CADPS: variants seen among roughly 807,000 people sequenced by gnomAD.
CADPS encodes calcium-dependent secretion activator 1.
Under a neutral mutation model 167.3 loss-of-function variants are expected in CADPS, and 57 were observed. The ratio of observed to expected loss-of-function variants is 0.34; its 90% CI spans 0.28 to 0.42. The LOEUF (loss-of-function observed/expected upper bound fraction) is 0.42, where lower values mean the gene tolerates loss of function less well. CADPS is among the 20% of genes least tolerant of loss of function. The pLI, the probability that CADPS is intolerant of heterozygous loss-of-function variation, is 1.00. For missense variants in CADPS, 1,414 were observed against 1,738.1 expected (o/e 0.81, Z 3.32); for synonymous variants, 676 against 635.3 (o/e 1.06, Z -0.96).
intron 6 of CADPS, among the ~76,000 whole-genome samples, chr3:62,610,063 T>C (rs935575767): frequency 6.6e-6 from 1 of 151,914 alleles, no homozygotes; most frequent in Non-Finnish European, 1.5e-5. Context: ...CATTTCAGCC[T>C]GGGTGACAGA....
intron 13 of CADPS, among the ~76,000 whole-genome samples, chr3:62,520,670 C>T (rs1390673606): frequency 2.0e-5 from 3 of 152,082 alleles, no homozygotes; most frequent in Non-Finnish European, 2.9e-5. Flanking sequence ...AATTTGATGT[C>T]GAATGATTTT....
intron 6 of CADPS, among the ~76,000 whole-genome samples, chr3:62,640,909 CT>C (rs1281291776): frequency 6.6e-6 from 1 of 151,982 alleles, no homozygotes; most frequent in African/African-American, 2.4e-5. Flanking sequence ...ATATTTTCTA[CT>C]CAGGGAATAT....
chr3:62,865,635 G>T (rs2081550196), intron 1 of CADPS, among the ~76,000 whole-genome samples: 1 of 151,668 alleles, frequency 6.6e-6, no homozygotes, highest in African/African-American at 2.4e-5. Flanking sequence ...AAAATAAAAG[G>T]AATAACACAG....
chr3:62,464,163 T>C (rs973716475), intron 26 of CADPS, among the ~76,000 whole-genome samples: 4 of 152,202 alleles, frequency 2.6e-5, no homozygotes, highest in Non-Finnish European at 5.9e-5. Flanking sequence ...TTAGGGAACA[T>C]ATTATCTGCC....
intron 6 of CADPS, among the ~76,000 whole-genome samples, chr3:62,593,834 A>G (rs2086627817): frequency 6.6e-6 from 1 of 152,212 alleles, no homozygotes; most frequent in Non-Finnish European, 1.5e-5. Flanking sequence ...CTTAGCAATC[A>G]CTGGATTTAA....
At chr3:62,634,775 T>C (rs887489853) in intron 6 of CADPS, among the ~76,000 whole-genome samples, 4 of 152,210 alleles carry the variant, frequency 2.6e-5, no homozygotes, top group African/African-American at 7.2e-5. Flanking sequence ...GCCTTGTCTA[T>C]TGTTTGTGCC....
At chr3:62,597,261 A>G (rs899126012) in intron 6 of CADPS, among the ~76,000 whole-genome samples, 3 of 152,194 alleles carry the variant, frequency 2.0e-5, no homozygotes, top group African/African-American at 7.2e-5. Context: ...CCTAAAGATC[A>G]CTTTGAGCCC....
chr3:62,581,061 G>C (rs775532130), intron 8 of CADPS, among the ~76,000 whole-genome samples: 4 of 152,178 alleles, frequency 2.6e-5, no homozygotes, highest in Non-Finnish European at 4.4e-5. Context: ...GAGCTAGAGA[G>C]ATAAGCACTG....
intron 26 of CADPS, among the ~76,000 whole-genome samples, chr3:62,461,715 A>T (rs2059370078): frequency 6.6e-6 from 1 of 152,142 alleles, no homozygotes. Context: ...CTCTGCAGAG[A>T]GACCTTGCCT....
chr3:62,842,980 G>A (rs2076860905), intron 1 of CADPS, among the ~76,000 whole-genome samples: 1 of 152,048 alleles, frequency 6.6e-6, no homozygotes, highest in Non-Finnish European at 1.5e-5. Flanking sequence ...TGGAAAGCAT[G>A]GTATTTTGTA....
intron 11 of CADPS, among the ~76,000 whole-genome samples, chr3:62,541,403 G>A (rs373268730): frequency 6.6e-6 from 1 of 152,136 alleles, no homozygotes; most frequent in Admixed American, 6.5e-5. Flanking sequence ...TTATGACATG[G>A]GCATAGGAGA....
chr3:62,811,230 C>T (rs2094378870), intron 1 of CADPS, among the ~76,000 whole-genome samples: 1 of 152,144 alleles, frequency 6.6e-6, no homozygotes, highest in African/African-American at 2.4e-5. Flanking sequence ...AACATTTTTA[C>T]TTAATTGCTC....
intron 3 of CADPS, among the ~76,000 whole-genome samples, chr3:62,742,157 T>G (rs1394077277): frequency 6.6e-6 from 1 of 152,132 alleles, no homozygotes; most frequent in Non-Finnish European, 1.5e-5. Flanking sequence ...CATCCAATGC[T>G]CATGGATAGA....
chr3:62,612,823 T>C (rs2061684274), intron 6 of CADPS, among the ~76,000 whole-genome samples: 1 of 152,158 alleles, frequency 6.6e-6, no homozygotes, highest in African/African-American at 2.4e-5. Context: ...TTGATGTTCA[T>C]CCATTCATCC....
intron 1 of CADPS, among the ~76,000 whole-genome samples, chr3:62,778,213 T>C (rs909831382): frequency 6.6e-6 from 1 of 152,208 alleles, no homozygotes; most frequent in Non-Finnish European, 1.5e-5. Context: ...GGTAAACACA[T>C]GGGGATACTC....
intron 10 of CADPS, among the ~76,000 whole-genome samples, chr3:62,557,010 C>G (rs149021994): frequency 3.6e-4 from 53 of 147,032 alleles, no homozygotes; most frequent in South Asian, 1.8e-3. Context: ...CACACACACA[C>G]ACACACACAC....
chr3:62,742,929 T>C (rs1386779571), intron 3 of CADPS, among the ~76,000 whole-genome samples: 1 of 152,032 alleles, frequency 6.6e-6, no homozygotes, highest in Non-Finnish European at 1.5e-5. Context: ...TAAACAAATT[T>C]ATAAGAAACA....
intron 1 of CADPS, among the ~76,000 whole-genome samples, chr3:62,774,835 G>A (rs2089868700): frequency 6.6e-6 from 1 of 152,060 alleles, no homozygotes; most frequent in Non-Finnish European, 1.5e-5. Flanking sequence ...GAGAGATATT[G>A]TAATAGCCTT....
In CADPS at chr3:62,561,981, A is replaced by T. The variant is rs1416401731; in HGVS notation, c.1645-4468T>A. Among the ~76,000 whole-genome samples the T allele has an allele frequency of 2.6e-5, 4 of 152,240 alleles. No individual in the cohort carries two copies. In the South Asian group the frequency reaches 8.3e-4, roughly 32 times the overall value. ...TGTGTTTGGTTCGAGGACTATAAACATGCAAAAAACCAGATGTGATTCCTG... is the reference window on the plus strand; with the variant it reads ...TGTGTTTGGTTCGAGGACTATAAACTTGCAAAAAACCAGATGTGATTCCTG... On this transcript the variant is annotated intron_variant, in intron 9 of 29. Coordinates refer to ENST00000383710, the MANE Select transcript of CADPS (RefSeq NM_003716.4).
Sources: allele counts gnomAD v4.1 joint callset (sites outside exome capture counted in the v4.1 genomes callset), GRCh38; gene constraint gnomAD v4.1.1; transcripts MANE v1.5; gene names NCBI Gene and HGNC (gene_info 2026-07-23, HGNC 2026-07-21).